The following CLSTN2 variants were observed in gnomAD, a reference collection of about 807,000 sequenced individuals.
CLSTN2 encodes calsyntenin 2.
CLSTN2 carries 48 observed loss-of-function variants against 101.2 expected under a neutral mutation model. The ratio of observed to expected loss-of-function variants is 0.47; its 90% CI spans 0.38 to 0.60. CLSTN2 has a LOEUF of 0.60. Ranked by LOEUF, CLSTN2 falls within the 20% of genes least tolerant of loss-of-function variation. The pLI, the probability that CLSTN2 is intolerant of heterozygous loss-of-function variation, is 0.00. For synonymous variants in CLSTN2, 481 were observed against 463.6 expected (o/e 1.04, Z -0.48); for missense variants, 1,160 against 1,238.2 (o/e 0.94, Z 0.95).
intron 5 of CLSTN2, among the ~76,000 whole-genome samples, chr3:140,440,208 G>A (rs557891273): frequency 9.2e-5 from 14 of 152,242 alleles, no homozygotes; most frequent in African/African-American, 2.6e-4. Context: ...GGGACCGAGC[G>A]AGTACACAGG....
chr3:140,294,816 G>C (rs918576377), intron 2 of CLSTN2, among the ~76,000 whole-genome samples: 1 of 152,174 alleles, frequency 6.6e-6, no homozygotes, highest in Admixed American at 6.5e-5. Flanking sequence ...AGGTCAGAGT[G>C]CCAGCATGGT....
At chr3:140,444,273 T>C (rs749506713) in intron 5 of CLSTN2, among the ~76,000 whole-genome samples, 1 of 152,036 alleles carries the variant, frequency 6.6e-6, no homozygotes, top group African/African-American at 2.4e-5. Flanking sequence ...CTACTAAAAA[T>C]ACAAAAATTG....
At chr3:140,387,590 A>G (rs2088067091) in intron 2 of CLSTN2, among the ~76,000 whole-genome samples, 1 of 152,340 alleles carries the variant, frequency 6.6e-6, no homozygotes, top group East Asian at 1.9e-4. Flanking sequence ...TAAACCAGCA[A>G]TTTCAGAGCA....
At chr3:140,393,102 C>T (rs11710552) in intron 2 of CLSTN2, among the ~76,000 whole-genome samples, 61,714 of 152,008 alleles carry the variant, frequency 0.41, 14,969 homozygotes, top group South Asian at 0.6. Flanking sequence ...CTCTTAAAGG[C>T]CTCACCTCTC....
intron 12 of CLSTN2, among the ~76,000 whole-genome samples, 161 bp downstream of exon 12, chr3:140,559,018 CAAATG>C (rs920559324): frequency 2.6e-5 from 4 of 151,872 alleles, no homozygotes; most frequent in Non-Finnish European, 2.9e-5. Context: ...AAGCAATAAA[CAAATG>C]AAATGAATAT....
At chr3:140,138,073 C>G (rs1190954136) in intron 1 of CLSTN2, among the ~76,000 whole-genome samples, 1 of 152,126 alleles carries the variant, frequency 6.6e-6, no homozygotes, top group Admixed American at 6.5e-5. Context: ...TAAGGAGTCT[C>G]CTTTCCCTAA....
chr3:140,234,311 G>C (rs1467919028), intron 2 of CLSTN2, among the ~76,000 whole-genome samples: 1 of 152,154 alleles, frequency 6.6e-6, no homozygotes, highest in Non-Finnish European at 1.5e-5. Flanking sequence ...AGCTGCTGCT[G>C]TCTAGACGAC....
chr3:140,215,094 T>C (rs2010904369), intron 2 of CLSTN2, among the ~76,000 whole-genome samples: 1 of 152,198 alleles, frequency 6.6e-6, no homozygotes, highest in African/African-American at 2.4e-5. Flanking sequence ...AGATTCTCTT[T>C]TCTGCCTTTA....
intron 6 of CLSTN2, 53 bp downstream of exon 6, chr3:140,448,757 T>C (rs745392675): frequency 4.1e-6 from 6 of 1,466,596 alleles, no homozygotes; most frequent in Non-Finnish European, 5.7e-6. Context: ...AAATGATGTA[T>C]ACCAAAAAAG....
chr3:140,088,380 G>A (rs1260749805), intron 1 of CLSTN2, among the ~76,000 whole-genome samples: 1 of 152,138 alleles, frequency 6.6e-6, no homozygotes, highest in African/African-American at 2.4e-5. Context: ...CATAAATCAA[G>A]GTTGACTTTT....
At chr3:140,229,301 A>G (rs1009662784) in intron 2 of CLSTN2, among the ~76,000 whole-genome samples, 1 of 152,230 alleles carries the variant, frequency 6.6e-6, no homozygotes, top group Non-Finnish European at 1.5e-5. Context: ...CTGAGTTCCA[A>G]GTATTTCTCA....
intron 9 of CLSTN2, 61 bp from the exon 10 acceptor site, chr3:140,546,454 C>A: frequency 6.4e-7 from 1 of 1,550,760 alleles, no homozygotes. Flanking sequence ...CCAAGTGGTG[C>A]CTTGAGGTGC....
chr3:140,373,785 C>A (rs2087885588), intron 2 of CLSTN2, among the ~76,000 whole-genome samples: 2 of 152,136 alleles, frequency 1.3e-5, no homozygotes, highest in Admixed American at 1.3e-4. Context: ...CAAGGTGAAG[C>A]CTATCTTCCC....
chr3:140,224,968 A>G (rs558310076), intron 2 of CLSTN2, among the ~76,000 whole-genome samples: 2 of 152,366 alleles, frequency 1.3e-5, no homozygotes, highest in East Asian at 3.9e-4. Context: ...GGGCAGCCAT[A>G]GAAAAGGGCT....
At chr3:140,201,716 C>G (rs2010719393) in intron 2 of CLSTN2, among the ~76,000 whole-genome samples, 1 of 152,058 alleles carries the variant, frequency 6.6e-6, no homozygotes, top group African/African-American at 2.4e-5. Flanking sequence ...TGTTCTCTGC[C>G]TTGGTGAAGC....
intron 8 of CLSTN2, chr3:140,508,829 C>T (rs561280841): frequency 6.6e-6 from 1 of 152,264 alleles, no homozygotes; most frequent in African/African-American, 2.4e-5. Flanking sequence ...TAGATGAATT[C>T]TGTGGCATGT....
chr3:139,935,863 G>A lies in CLSTN2; in HGVS notation c.109+380G>A, dbSNP rs1389447909. ...AAGCAGGTGTCTGCTCCTGCCTGGG[G>A]GAAGGATCAGCGGCGGTGCTTTCAA... On this transcript the variant is annotated intron_variant, in intron 1 of 16. Transcript: ENST00000458420. This position sits in a 1 kb window ranked among gnomAD's most constrained non-coding sequence, Gnocchi z 5.5. Among the ~76,000 whole-genome samples the A allele has an allele frequency of 6.6e-6, 1 of 152,128 alleles. No individual in the cohort carries two copies. Among genetic ancestry groups the A allele is most frequent in the African/African-American group, 2.4e-5 (1 of 41,454 alleles).
At chr3:140,411,348 T>C (rs1559861864) in intron 4 of CLSTN2, among the ~76,000 whole-genome samples, 1 of 152,134 alleles carries the variant, frequency 6.6e-6, no homozygotes, top group Non-Finnish European at 1.5e-5. Flanking sequence ...TATATGATAA[T>C]AAAAAAAGTA....
At chr3:140,515,813 T>A (rs542931582) in intron 8 of CLSTN2, among the ~76,000 whole-genome samples, 152 of 152,128 alleles carry the variant, frequency 1.0e-3, no homozygotes, top group African/African-American at 3.4e-3. Flanking sequence ...ATGTTCCATG[T>A]GCCGATGAGT....
Sources: gnomAD v4.1 joint callset for allele counts (sites outside exome capture counted in the v4.1 genomes callset) on GRCh38, gnomAD v4.1.1 for gene constraint, Gnocchi (gnomAD v3.1) non-coding constraint, MANE v1.5 for transcripts, NCBI Gene and HGNC (gene_info 2026-07-23, HGNC 2026-07-21) for gene names.